STYX: variants seen among roughly 807,000 people sequenced by gnomAD.
The protein encoded by STYX is serine/threonine/tyrosine interacting protein.
Under a neutral mutation model 42.7 loss-of-function variants are expected in STYX, and 20 were observed. That is an observed-to-expected ratio of 0.47 (90% CI 0.33 to 0.68). The LOEUF (loss-of-function observed/expected upper bound fraction) is 0.68. Among genes scored for constraint, STYX ranks in the 30% least tolerant of loss-of-function variants. The pLI, the probability that STYX is intolerant of heterozygous loss-of-function variation, is 0.02. For missense variants in STYX, 226 were observed against 268.5 expected, an observed-to-expected ratio of 0.84 and a Z score of 1.11; for synonymous variants, 78 against 81.9, an observed-to-expected ratio of 0.95 and a Z score of 0.26.
intron 2 of STYX, among the ~76,000 whole-genome samples, chr14:52,745,625 A>G (rs948562404): frequency 4.6e-5 from 7 of 152,242 alleles, no homozygotes; most frequent in African/African-American, 1.7e-4. Context: ...GATCAAATTG[A>G]ATACTTTCAG....
At chr14:52,743,985 C>T (rs997366187) in intron 1 of STYX, among the ~76,000 whole-genome samples, 7 of 152,020 alleles carry the variant, frequency 4.6e-5, no homozygotes, top group African/African-American at 1.2e-4. Context: ...CCATGCCCAA[C>T]GAATTTTTTT....
chr14:52,732,096 T>TTTG (rs200735505), intron 1 of STYX, among the ~76,000 whole-genome samples: 2,209 of 97,158 alleles, frequency 0.023, 42 homozygotes, highest in African/African-American at 0.045. Flanking sequence ...TCATGGTTTT[T>TTTG]TTTTTTTTTT....
intron 1 of STYX, among the ~76,000 whole-genome samples, chr14:52,733,049 C>T (rs762705980): frequency 6.6e-6 from 1 of 152,088 alleles, no homozygotes; most frequent in African/African-American, 2.4e-5. Flanking sequence ...TAGAGGAGTC[C>T]CACATTCCAG....
chr14:52,734,895 A>G (rs1880884796), intron 1 of STYX, among the ~76,000 whole-genome samples: 1 of 152,070 alleles, frequency 6.6e-6, no homozygotes, highest in African/African-American at 2.4e-5. Context: ...CCCCGTCTCT[A>G]CTTAAAAAAA....
intron 4 of STYX, among the ~76,000 whole-genome samples, chr14:52,751,929 G>A (rs990382517): frequency 4.6e-5 from 7 of 152,078 alleles, no homozygotes; most frequent in African/African-American, 7.2e-5. Flanking sequence ...TTGGGAGGCC[G>A]AGGTGGGCAG....
chr14:52,757,828 G>T (rs1881935707), intron 7 of STYX, 46 bp downstream of exon 7: 6 of 1,612,066 alleles, frequency 3.7e-6, no homozygotes, highest in Non-Finnish European at 5.1e-6. Flanking sequence ...TTTAATTAAT[G>T]GGCTGTATTT....
chr14:52,730,703 G>T (rs548843419), intron 1 of STYX, among the ~76,000 whole-genome samples, 172 bp downstream of exon 1: 136 of 152,304 alleles, frequency 8.9e-4, no homozygotes, highest in African/African-American at 3.2e-3. Flanking sequence ...TGAGTTGCTC[G>T]TCCTCTCCAG....
chr14:52,736,488 A>G (rs1366237786), intron 1 of STYX, among the ~76,000 whole-genome samples: 2 of 152,216 alleles, frequency 1.3e-5, no homozygotes, highest in Non-Finnish European at 2.9e-5. Context: ...TTATAATTTA[A>G]AAGTTAATGT....
chr14:52,751,956 A>G (rs778446108), intron 4 of STYX, among the ~76,000 whole-genome samples: 26 of 152,166 alleles, frequency 1.7e-4, no homozygotes, highest in Non-Finnish European at 3.1e-4. Flanking sequence ...TGAGGTCAGG[A>G]GTTCGAGACC....
At chr14:52,763,523 TC>T (rs1303989234) in intron 9 of STYX, among the ~76,000 whole-genome samples, 2 of 152,238 alleles carry the variant, frequency 1.3e-5, no homozygotes, top group Non-Finnish European at 2.9e-5. Flanking sequence ...TGCTGCAGAT[TC>T]TCATCTGCAT....
chr14:52,747,235 C>T (rs1881429000), intron 3 of STYX, among the ~76,000 whole-genome samples: 1 of 152,122 alleles, frequency 6.6e-6, no homozygotes, highest in Non-Finnish European at 1.5e-5. Flanking sequence ...ATGTTCTTGC[C>T]ACTTCTAAAA....
At chr14:52,753,019 T>C (rs1337383473) in intron 4 of STYX, among the ~76,000 whole-genome samples, 1 of 149,586 alleles carries the variant, frequency 6.7e-6, no homozygotes, top group African/African-American at 2.5e-5. Context: ...TAGCTGGGAT[T>C]ACAGGCATGT....
intron 9 of STYX, among the ~76,000 whole-genome samples, chr14:52,762,320 T>C (rs1882128125): frequency 6.6e-6 from 1 of 152,318 alleles, no homozygotes; most frequent in South Asian, 2.1e-4. Context: ...AATTCTGATA[T>C]GTCCTTTAGA....
intron 1 of STYX, among the ~76,000 whole-genome samples, chr14:52,740,723 T>A (rs540432028): frequency 4.5e-4 from 69 of 152,358 alleles, no homozygotes; most frequent in Middle Eastern, 3.4e-3. Context: ...TGATTGTCCT[T>A]CCTTTGTGTG....
chr14:52,731,969 C>G (rs1437239145), intron 1 of STYX, among the ~76,000 whole-genome samples: 5 of 141,040 alleles, frequency 3.5e-5, no homozygotes, highest in Non-Finnish European at 7.6e-5. Context: ...TTTTTTGTAG[C>G]GATGGGTTTT....
rs559844388 is a variant in STYX, at chr14:52,752,711, T to C, written c.242+1931T>C. Among the ~76,000 whole-genome samples, 31 of 152,118 alleles carry C rather than the reference T, an allele frequency of 2.0e-4. No homozygotes were observed. The South Asian group carries it at 5.8e-3, about 28-fold the overall frequency. On this transcript the variant is annotated intron_variant, in intron 4 of 10. Transcript: ENST00000354586. Reference sequence around the variant, plus strand: ...ATATTTGCAATGTGTTGAGTAAATATATATATACTACATTCCATATATTTA... The same window carrying C: ...ATATTTGCAATGTGTTGAGTAAATACATATATACTACATTCCATATATTTA...
chr14:52,770,250 T>C (rs1882459993), intron 10 of STYX, among the ~76,000 whole-genome samples: 1 of 152,160 alleles, frequency 6.6e-6, no homozygotes. Context: ...TCTTTATGAA[T>C]TTTATAGTGA....
At chr14:52,742,803 T>C (rs1321267877) in intron 1 of STYX, among the ~76,000 whole-genome samples, 1 of 151,810 alleles carries the variant, frequency 6.6e-6, no homozygotes, top group East Asian at 1.9e-4. Context: ...TTTGATTTTT[T>C]TTTTTTTTTT....
intron 1 of STYX, among the ~76,000 whole-genome samples, chr14:52,730,878 T>C (rs1037498083): frequency 2.0e-5 from 3 of 152,240 alleles, no homozygotes; most frequent in Non-Finnish European, 4.4e-5. Context: ...GAGGAATATC[T>C]GTGGTGTAAA....
Sources: gnomAD v4.1 joint callset for allele counts (sites outside exome capture counted in the v4.1 genomes callset) on GRCh38, gnomAD v4.1.1 for gene constraint, MANE v1.5 for transcripts, NCBI Gene and HGNC (gene_info 2026-07-23, HGNC 2026-07-21) for gene names.